Variants in CASC3 observed in about 807,000 individuals in gnomAD.
CASC3 encodes protein CASC3.
CASC3 carries 30 observed loss-of-function variants against 80.5 expected under a neutral mutation model. That is an observed-to-expected ratio of 0.37 (90% CI 0.28 to 0.51). CASC3 has a LOEUF of 0.51. Among genes scored for constraint, CASC3 ranks in the 20% least tolerant of loss-of-function variants. The pLI, the probability that CASC3 is intolerant of heterozygous loss-of-function variation, is 0.94. For missense variants in CASC3, 824 were observed against 922.2 expected (o/e 0.89, Z 1.38); for synonymous variants, 312 against 333.6 (o/e 0.94, Z 0.70).
At chr17:40,157,295 A>G (rs913651975) in intron 3 of CASC3, among the ~76,000 whole-genome samples, 2 of 152,026 alleles carry the variant, frequency 1.3e-5, no homozygotes, top group Non-Finnish European at 2.9e-5. Context: ...CAGTGAGCTG[A>G]GATTGCACCA....
chr17:40,151,982 G>T (rs1989021896), intron 3 of CASC3, among the ~76,000 whole-genome samples: 1 of 152,144 alleles, frequency 6.6e-6, no homozygotes, highest in African/African-American at 2.4e-5. Flanking sequence ...AACACATACA[G>T]TGTGGCATCT....
At chr17:40,166,065 C>T (rs879359029) in intron 7 of CASC3, among the ~76,000 whole-genome samples, 4 of 151,916 alleles carry the variant, frequency 2.6e-5, no homozygotes, top group South Asian at 4.1e-4. Flanking sequence ...TGCATCCAGC[C>T]GGAATTGAAC....
chr17:40,150,367 C>T (rs976664124), intron 3 of CASC3, among the ~76,000 whole-genome samples: 3 of 150,890 alleles, frequency 2.0e-5, no homozygotes, highest in Admixed American at 6.6e-5. Flanking sequence ...GTGAGACTCT[C>T]GAAAAAAACA....
chr17:40,164,540 G>A (rs1480785562), intron 7 of CASC3, among the ~76,000 whole-genome samples: 1 of 148,884 alleles, frequency 6.7e-6, no homozygotes, highest in East Asian at 2.0e-4. Flanking sequence ...GTCCACCTCC[G>A]GGTTCAAGTG....
rs764950869 is a variant in CASC3 at position 40,161,951 on chromosome 17, TAG to T, written c.456+44_456+45del. ...CAGTCCTCCATTTTAGAGGCTGGAA[TAG>T]AGATTCTTGAGGCTTGGAAGAGTAA... On this transcript the variant is annotated intron_variant, in intron 4 of 13. Transcript: ENST00000264645. 1.4e-5 allele frequency: 22 copies of T among 1,612,966 alleles called. No homozygotes were observed. The African/African-American group carries it at 2.1e-4, about 16-fold the overall frequency.
In CASC3 at chr17:40,155,599, G is replaced by A. The variant is rs535315583; in HGVS notation, c.298-6154G>A. Among the ~76,000 whole-genome samples the A allele has an allele frequency of 3.3e-5, 5 of 152,230 alleles. No individual in the cohort carries two copies. In the South Asian group the frequency reaches 1.0e-3, roughly 32 times the overall value. The stretch of plus-strand genomic sequence containing the variant: ...AGGCCCGTGGCCTCGGAGGAGCCGG[G>A]GTTTATTAAAATGAGGCTAGAGGAG... On this transcript the variant is annotated intron_variant, in intron 3 of 13. Transcript: ENST00000264645.
chr17:40,169,005 C>G (rs1051763357), intron 11 of CASC3: 1 of 273,082 alleles, frequency 3.7e-6, no homozygotes, highest in African/African-American at 2.2e-5. Flanking sequence ...ACCCCTACCT[C>G]TGTCCTGCTT....
intron 1 of CASC3, 23 bp downstream of exon 1, chr17:40,140,802 G>A: frequency 7.0e-7 from 1 of 1,419,310 alleles, no homozygotes. Context: ...AGGCGGGGCG[G>A]GGTGGGGACC....
chr17:40,163,481 A>T lies in CASC3; in HGVS notation c.786A>T (p.Arg262=), dbSNP rs779778582. The T allele has an allele frequency of 5.0e-6, 8 of 1,606,464 alleles. No individual in the cohort carries two copies. In the African/African-American group the frequency reaches 1.1e-4, roughly 22 times the overall value. ...AGTTTCTTCATTCCATTTTTTGTAGATATGGGAGTCCTCCACAAAGAGATC... is the reference window on the plus strand; with the variant it reads ...AGTTTCTTCATTCCATTTTTTGTAGTTATGGGAGTCCTCCACAAAGAGATC... ...DIKPRRIRKP[R]YGSPPQRDPN... Residue 262 remains arginine, a splice_region_variant and synonymous_variant, in exon 7 of 14, where the codon CGA becomes CGT. Coordinates refer to ENST00000264645, the MANE Select transcript of CASC3 (RefSeq NM_007359.5).
chr17:40,168,550 G>C, intron 11 of CASC3, 133 bp downstream of exon 11: 2 of 762,168 alleles, frequency 2.6e-6, no homozygotes, highest in Non-Finnish European at 4.3e-6. Flanking sequence ...ACACCAAGAC[G>C]CCTCTTAGTG....
At chr17:40,145,560 T>C (rs1768047703) in intron 3 of CASC3, among the ~76,000 whole-genome samples, 1 of 151,974 alleles carries the variant, frequency 6.6e-6, no homozygotes, top group Non-Finnish European at 1.5e-5. Context: ...ACTGGAGCAT[T>C]GTTGGGACAG....
At position 40,164,073 on chromosome 17, in the gene CASC3, A is replaced by G; in HGVS notation, c.1378A>G (p.Ser460Gly). ...TWEAPVDSST[S>G]GLEQDVAQLN... The stretch of plus-strand genomic sequence containing the variant: ...GGAAGCTCCGGTGGATTCTAGTACA[A>G]GTGGACTTGAGCAAGATGTGGCACA... Residue 460 changes from serine (S) to glycine (G), a missense_variant, in exon 7 of 14, where the codon AGT (serine) becomes GGT (glycine). Coordinates refer to ENST00000264645, the MANE Select transcript of CASC3 (RefSeq NM_007359.5). 6.2e-7 allele frequency: 1 copy of G among 1,613,806 alleles called. No individual in the cohort carries two copies. Among genetic ancestry groups the G allele is most frequent in the South Asian group, 1.1e-5 (1 of 91,074 alleles).
intron 3 of CASC3, among the ~76,000 whole-genome samples, chr17:40,155,793 G>A (rs536369907): frequency 1.3e-5 from 2 of 152,304 alleles, no homozygotes; most frequent in African/African-American, 4.8e-5. Context: ...GAAATGGTGG[G>A]TGATGTAGGG....
At chr17:40,162,995 A>G in intron 6 of CASC3, 94 bp downstream of exon 6, 1 of 1,098,848 alleles carries the variant, frequency 9.1e-7, no homozygotes, top group Non-Finnish European at 1.3e-6. Context: ...CTGAGGCAGG[A>G]GGATTGCTTG....
At chr17:40,164,467 G>T in intron 7 of CASC3, among the ~76,000 whole-genome samples, 1 of 148,818 alleles carries the variant, frequency 6.7e-6, no homozygotes, top group Admixed American at 6.8e-5. Flanking sequence ...TATTTGTTTT[G>T]AGATGGAGTC....
At position 40,144,864 on chromosome 17, in the gene CASC3, T is replaced by G. The variant is rs540163091; in HGVS notation, c.297+3257T>G. ...GCCAAAAAAAAAAAAAAATTAAGTT[T>G]TTTTTTTTTTTATTGAGATGGAGTA... is the stretch of plus-strand genomic sequence containing the variant. On this transcript the variant is annotated intron_variant, in intron 3 of 13. Coordinates refer to ENST00000264645, the MANE Select transcript of CASC3 (RefSeq NM_007359.5). 4.7e-5 allele frequency among the ~76,000 whole-genome samples: 7 copies of G among 149,830 alleles called. No homozygotes were observed. The South Asian group carries it at 8.4e-4, about 18-fold the overall frequency.
intron 3 of CASC3, among the ~76,000 whole-genome samples, chr17:40,150,961 C>T (rs1988990110): frequency 6.6e-6 from 1 of 151,410 alleles, no homozygotes; most frequent in South Asian, 2.1e-4. Context: ...TGCAGTGAGC[C>T]GAGATCACGC....
At chr17:40,167,709 A>G (rs1989487203) in intron 9 of CASC3, 97 bp downstream of exon 9, 2 of 1,226,318 alleles carry the variant, frequency 1.6e-6, no homozygotes, top group East Asian at 2.3e-5. Context: ...CTGACCTCTT[A>G]TAGTGGTTAT....
rs767201865 is a variant in CASC3 at position 40,163,970 on chromosome 17, C to T, written c.1275C>T (p.Pro425=). The T allele has an allele frequency of 1.9e-6, 3 of 1,614,010 alleles. No homozygotes were observed. The highest frequency in any genetic ancestry group is 2.5e-6 in the Non-Finnish European group (3 of 1,179,956). ...CAGTCAAGCTTGCAGAGGAGGTGCC[C>T]CCTCCTCCTGAAGGACTGATTCCAG... The part of the protein sequence containing the change: ...GDAVKLAEEV[P]PPPEGLIPAP... The change falls in exon 7 of 14, where the codon CCC becomes CCT. Residue 425 remains proline (P), a synonymous_variant. Transcript: ENST00000264645.
Sources: allele counts gnomAD v4.1 joint callset (sites outside exome capture counted in the v4.1 genomes callset), GRCh38; gene constraint gnomAD v4.1.1; transcripts MANE v1.5; gene names NCBI Gene and HGNC (gene_info 2026-07-23, HGNC 2026-07-21).